The following ARFGEF2 variants were observed in gnomAD, a reference collection of about 807,000 sequenced individuals.
The protein encoded by ARFGEF2 is brefeldin A-inhibited guanine nucleotide-exchange protein 2.
In ARFGEF2, 74 loss-of-function variants were observed where a neutral mutation model predicts 219.9. That is an observed-to-expected ratio of 0.34 (90% confidence interval 0.28 to 0.41). The LOEUF is 0.41. Ranked by LOEUF, ARFGEF2 falls within the 10% of genes least tolerant of loss-of-function variation. ARFGEF2 has a pLI of 1.00. For synonymous variants in ARFGEF2, 733 were observed against 799.2 expected (o/e 0.92, Z 1.40); for missense variants, 1,743 against 2,218.3 (o/e 0.79, Z 4.30).
rs1372728979 is a variant in ARFGEF2, at chr20:48,969,152, G to A, written c.1065G>A (p.Ser355=). The stretch of plus-strand genomic sequence containing the variant: ...ATGTTTGTTTCTGATCCTAGGAATC[G>A]GATGCACAAGGACATCAAGTGGCTG... ...QSLSSADNLE[S]DAQGHQVAAR... is the part of the protein sequence containing the mutation. The change falls in exon 9 of 39, where the codon TCG becomes TCA. Residue 355 remains serine, a synonymous_variant. Coordinates refer to ENST00000371917, the MANE Select transcript of ARFGEF2 (RefSeq NM_006420.3). 1.1e-5 allele frequency: 18 copies of A among 1,613,866 alleles called. No individual in the cohort carries two copies. The highest frequency in any genetic ancestry group is 1.3e-5 in the African/African-American group (1 of 74,882).
At chr20:48,932,905 A>T (rs1375398850) in intron 1 of ARFGEF2, among the ~76,000 whole-genome samples, 1 of 152,132 alleles carries the variant, frequency 6.6e-6, no homozygotes, top group Non-Finnish European at 1.5e-5. Context: ...CCTGCGACAG[A>T]TAGAAGTCTG....
rs3764681 is a variant in ARFGEF2, at chr20:48,998,128, G to A, written c.3222-65G>A. ...ACCCTCCTCGGCCTCCCAAAGTGCT[G>A]AGATTACAGGTGTGAGCCACCACAC... On this transcript the variant is annotated intron_variant, in intron 23 of 38. Coordinates refer to ENST00000371917, the MANE Select transcript of ARFGEF2 (RefSeq NM_006420.3). 0.28 allele frequency: 417,717 copies of A among 1,506,334 alleles called. 61,286 individuals carry two copies. Among genetic ancestry groups the A allele is most frequent in the East Asian group, 0.45 (19,899 of 43,886 alleles). The allele number at this position is 1,506,334 out of a possible 1,614,324, so 93.3% of individuals were successfully genotyped here. A position where few individuals can be genotyped will look rare whatever the true frequency, so the allele number is the denominator to read the frequency against.
At chr20:49,020,923 C>G (rs1030193044) in intron 34 of ARFGEF2, among the ~76,000 whole-genome samples, 11 of 152,218 alleles carry the variant, frequency 7.2e-5, no homozygotes, top group Admixed American at 5.9e-4. Context: ...CTCCCAGTCT[C>G]CCAGCTCAGC....
intron 25 of ARFGEF2, among the ~76,000 whole-genome samples, chr20:49,001,951 A>C (rs2091427679): frequency 6.6e-6 from 1 of 152,248 alleles, no homozygotes. Context: ...AATTGTAATA[A>C]AATACACATA....
intron 1 of ARFGEF2, among the ~76,000 whole-genome samples, chr20:48,935,203 CA>C (rs1205892858): frequency 2.6e-5 from 4 of 152,114 alleles, no homozygotes; most frequent in Non-Finnish European, 5.9e-5. Context: ...AACAAGTGAA[CA>C]AAGGTCCCTG....
chr20:48,929,565 C>G (rs1223950901), intron 1 of ARFGEF2, among the ~76,000 whole-genome samples: 1 of 152,008 alleles, frequency 6.6e-6, no homozygotes, highest in Non-Finnish European at 1.5e-5. Context: ...AATAACAACC[C>G]GAGAAGTACT....
chr20:49,034,571 C>T lies in ARFGEF2; in HGVS notation c.*1372C>T, dbSNP rs913748985. 3.9e-5 allele frequency: 6 copies of T among 152,172 alleles called. No homozygotes were observed. Among genetic ancestry groups the T allele is most frequent in the Non-Finnish European group, 8.8e-5 (6 of 68,046 alleles). 9.4% of individuals were successfully genotyped at this position (152,172 alleles called of 1,614,324 possible). ...ACTGCTCACCTAGAGCATCGCTGAGCGTTAGACAAAGTGTTACACAGAATG... is the reference window on the plus strand; with the variant it reads ...ACTGCTCACCTAGAGCATCGCTGAGTGTTAGACAAAGTGTTACACAGAATG... On this transcript the variant is annotated 3_prime_UTR_variant, in exon 39 of 39. Transcript: ENST00000371917.
rs978013071 is a variant in ARFGEF2, at chr20:48,969,292, G to T, written c.1190+15G>T. The T allele has an allele frequency of 2.9e-5, 47 of 1,614,042 alleles. No individual in the cohort carries two copies. The highest frequency in any genetic ancestry group is 3.7e-5 in the Non-Finnish European group (44 of 1,179,990). On this transcript the variant is annotated intron_variant, in intron 9 of 38. Transcript: ENST00000371917. The stretch of plus-strand genomic sequence containing the variant: ...CCAGACCCAAAGTAAGCAGACAGCA[G>T]TTCTTGGCCACCTTCAGTCCAATGA...
At chr20:49,010,428 A>T (rs2091491117) in intron 27 of ARFGEF2, 24 bp downstream of exon 27, 1 of 1,611,764 alleles carries the variant, frequency 6.2e-7, no homozygotes, top group African/African-American at 1.3e-5. Context: ...TTCCCTCCCT[A>T]CTAATGTCCC....
At chr20:48,956,839 C>G (rs1016677326) in intron 6 of ARFGEF2, among the ~76,000 whole-genome samples, 1 of 152,148 alleles carries the variant, frequency 6.6e-6, no homozygotes, top group African/African-American at 2.4e-5. Context: ...CTCGGCCTCC[C>G]AAAGTAATGG....
intron 28 of ARFGEF2, among the ~76,000 whole-genome samples, chr20:49,012,868 T>C (rs2091508960): frequency 6.6e-6 from 1 of 152,124 alleles, no homozygotes. Context: ...CAGAGAGAAA[T>C]TGCCTAACAT....
At chr20:48,933,721 G>A (rs571358452) in intron 1 of ARFGEF2, among the ~76,000 whole-genome samples, 1 of 152,124 alleles carries the variant, frequency 6.6e-6, no homozygotes, top group Admixed American at 6.5e-5. Context: ...CCTCTCTCAT[G>A]GCGGTGTCAA....
rs752285808 is a variant in ARFGEF2, at chr20:48,965,946, C to A, written c.982C>A (p.Pro328Thr). 2 of 1,614,018 alleles carry A rather than the reference C, an allele frequency of 1.2e-6. No individual in the cohort carries two copies. The highest frequency in any genetic ancestry group is 2.7e-5 in the African/African-American group (2 of 74,908). The change falls in exon 8 of 39, where the codon CCC becomes ACC. Residue 328 changes from proline to threonine, a missense_variant. By Grantham distance (38) the Pro-to-Thr change is conservative. This residue lies in a region of ARFGEF2 where 394 missense variants were observed against 426.6 expected (regional missense o/e 0.92). Coordinates refer to ENST00000371917, the MANE Select transcript of ARFGEF2 (RefSeq NM_006420.3). Reference sequence around the variant, plus strand: ...ACTGGAGTGCCAGGAATGTGCTATTCCCCCAGGAGTTGATGAAAACTCACA... The same window carrying A: ...ACTGGAGTGCCAGGAATGTGCTATTACCCCAGGAGTTGATGAAAACTCACA... ...GELECQECAI[P>T]PGVDENSQTN... is the part of the protein sequence containing the mutation.
chr20:49,006,303 T>A (rs1240302471), intron 26 of ARFGEF2, among the ~76,000 whole-genome samples: 5 of 151,952 alleles, frequency 3.3e-5, no homozygotes, highest in Non-Finnish European at 5.9e-5. Context: ...TCAAAAAAAA[T>A]AAATAAAAAT....
chr20:48,976,959 T>G (rs1314989490), intron 14 of ARFGEF2, among the ~76,000 whole-genome samples: 1 of 151,806 alleles, frequency 6.6e-6, no homozygotes, highest in African/African-American at 2.4e-5. Flanking sequence ...TTATTTTATT[T>G]TATTTTATTT....
chr20:48,953,676 C>G lies in ARFGEF2; in HGVS notation c.724C>G (p.Pro242Ala). Residue 242 changes from proline to alanine, a missense_variant, in exon 6 of 39, where the codon CCA becomes GCA. Physicochemically the swap from Pro to Ala is conservative, Grantham distance 27. Transcript: ENST00000371917. ...GAAGCACAGTCAGGCACAAAGCAAA[C>G]CAACAACTCCCGAAAAAACAGATTT... Reference protein sequence around the residue: ...RLKHSQAQSKPTTPEKTDLTN... With the variant: ...RLKHSQAQSKATTPEKTDLTN... The G allele has an allele frequency of 6.2e-7, 1 of 1,614,164 alleles. No homozygotes were observed. Among genetic ancestry groups the G allele is most frequent in the South Asian group, 1.1e-5 (1 of 91,080 alleles).
chr20:48,929,289 G>A (rs2090898790), intron 1 of ARFGEF2, among the ~76,000 whole-genome samples: 1 of 152,358 alleles, frequency 6.6e-6, no homozygotes, highest in African/African-American at 2.4e-5. Flanking sequence ...TTTGTGAGGA[G>A]AACAGCCTTC....
rs547315135 is a variant in ARFGEF2, at chr20:48,960,593, C to T, written c.839-3237C>T. Reference sequence around the variant, plus strand: ...CCACCTCCCAGGTTCAAGTGATTCTCCTGCCTCAGCCTCCCGAGTAGCTGG... The same window carrying T: ...CCACCTCCCAGGTTCAAGTGATTCTTCTGCCTCAGCCTCCCGAGTAGCTGG... On this transcript the variant is annotated intron_variant, in intron 6 of 38. Coordinates refer to ENST00000371917, the MANE Select transcript of ARFGEF2 (RefSeq NM_006420.3). Among the ~76,000 whole-genome samples, 5 of 151,940 alleles carry T rather than the reference C, an allele frequency of 3.3e-5. No individual in the cohort carries two copies. The South Asian group carries it at 1.0e-3, about 32-fold the overall frequency.
At chr20:48,926,459 C>CTT (rs949841598) in intron 1 of ARFGEF2, among the ~76,000 whole-genome samples, 7 of 144,732 alleles carry the variant, frequency 4.8e-5, no homozygotes, top group African/African-American at 1.8e-4. Flanking sequence ...TTCAGTTTTT[C>CTT]TTTTTTTTTT....
Sources: gnomAD v4.1 joint callset for allele counts (sites outside exome capture counted in the v4.1 genomes callset) on GRCh38, gnomAD v4.1.1 for gene constraint, gnomAD v4.1.1 regional missense constraint, MANE v1.5 for transcripts, NCBI Gene and HGNC (gene_info 2026-07-23, HGNC 2026-07-21) for gene names.